Variants in UTRN observed in about 807,000 individuals in gnomAD.
UTRN encodes the protein utrophin.
Under a neutral mutation model 463.9 loss-of-function variants are expected in UTRN, and 283 were observed. The ratio of observed to expected loss-of-function variants is 0.61; its 90% CI spans 0.55 to 0.67. The LOEUF (loss-of-function observed/expected upper bound fraction) is 0.67. UTRN is among the 30% of genes least tolerant of loss of function. The pLI is 0.00. For synonymous variants in UTRN, 1,442 were observed against 1,431.5 expected (o/e 1.01, Z -0.17); for missense variants, 3,922 against 4,084.3 (o/e 0.96, Z 1.08).
At chr6:144,454,972 A>G (rs1788676163) in intron 19 of UTRN, among the ~76,000 whole-genome samples, 1 of 152,126 alleles carries the variant, frequency 6.6e-6, no homozygotes, top group Non-Finnish European at 1.5e-5. Flanking sequence ...CCAGAAAACA[A>G]CTGTTCATGT....
At chr6:144,766,359 A>T (rs1291072668) in intron 58 of UTRN, among the ~76,000 whole-genome samples, 1 of 152,006 alleles carries the variant, frequency 6.6e-6, no homozygotes, top group African/African-American at 2.4e-5. Context: ...TAGGCAGTTG[A>T]ATGCAAAATC....
chr6:144,433,319 A>C (rs6900943), intron 9 of UTRN, among the ~76,000 whole-genome samples: 131,927 of 144,072 alleles, frequency 0.92, 60,303 homozygotes, highest in Middle Eastern at 0.95. Flanking sequence ...GGGGGGCTGA[A>C]CCCCCCACCT....
intron 23 of UTRN, among the ~76,000 whole-genome samples, chr6:144,465,996 T>C (rs1387391772): frequency 6.6e-6 from 1 of 152,210 alleles, no homozygotes; most frequent in Non-Finnish European, 1.5e-5. Context: ...ACAGTGAACA[T>C]TTAGAGTTCC....
chr6:144,716,239 T>G (rs560565672), intron 53 of UTRN, among the ~76,000 whole-genome samples: 3 of 136,300 alleles, frequency 2.2e-5, no homozygotes, highest in African/African-American at 9.3e-5. Context: ...AAATATAGCT[T>G]TTTTTTTTTT....
intron 30 of UTRN, among the ~76,000 whole-genome samples, chr6:144,489,559 C>T (rs1023882052): frequency 2.0e-5 from 3 of 152,128 alleles, no homozygotes; most frequent in African/African-American, 7.2e-5. Flanking sequence ...AAGCCCTTAG[C>T]AGGTGCGTCA....
chr6:144,675,452 T>C (rs1781494165), intron 51 of UTRN, among the ~76,000 whole-genome samples: 1 of 152,200 alleles, frequency 6.6e-6, no homozygotes, highest in Non-Finnish European at 1.5e-5. Context: ...AGCAGTGAAG[T>C]TGTCATGTGA....
intron 72 of UTRN, among the ~76,000 whole-genome samples, chr6:144,839,590 T>C (rs185396107): frequency 1.3e-4 from 20 of 152,368 alleles, no homozygotes; most frequent in Non-Finnish European, 2.6e-4. Flanking sequence ...ATTTTTTTAG[T>C]ACACTTTCTG....
chr6:144,392,679 C>T (rs1782043875), intron 2 of UTRN, among the ~76,000 whole-genome samples: 2 of 152,240 alleles, frequency 1.3e-5, no homozygotes, highest in East Asian at 3.9e-4. Flanking sequence ...ACTGGCTTGG[C>T]ACAAATGTGA....
At chr6:144,635,514 C>CTTTTCTTTTTTT (rs1777035213) in intron 51 of UTRN, among the ~76,000 whole-genome samples, 11 of 80,026 alleles carry the variant, frequency 1.4e-4, no homozygotes, top group African/African-American at 3.4e-4. Context: ...CTTTTTTTTT[C>CTTTTCTTTTTTT]TTTTTTTTTT....
intron 53 of UTRN, chr6:144,708,322 G>T: frequency 4.5e-6 from 3 of 667,150 alleles, no homozygotes; most frequent in South Asian, 4.1e-5. Flanking sequence ...AAACCAAGAA[G>T]TCTTCTGTAT....
At chr6:144,844,828 T>A (rs574014490) in intron 73 of UTRN, among the ~76,000 whole-genome samples, 254 of 152,336 alleles carry the variant, frequency 1.7e-3, no homozygotes, top group African/African-American at 5.8e-3. Flanking sequence ...CTGTAACTAA[T>A]GAGAACTTTA....
chr6:144,793,112 A>G (rs1203219972), intron 62 of UTRN, among the ~76,000 whole-genome samples: 1 of 152,138 alleles, frequency 6.6e-6, no homozygotes, highest in African/African-American at 2.4e-5. Flanking sequence ...TGTACTTTTT[A>G]GTGTTTCTTA....
chr6:144,373,636 C>A (rs956697379), intron 2 of UTRN, among the ~76,000 whole-genome samples: 7 of 152,182 alleles, frequency 4.6e-5, no homozygotes, highest in Non-Finnish European at 1.0e-4. Flanking sequence ...ACCACAGAAT[C>A]GTACATCCGT....
At chr6:144,304,758 T>G (rs1025729391) in intron 2 of UTRN, among the ~76,000 whole-genome samples, 2 of 152,118 alleles carry the variant, frequency 1.3e-5, no homozygotes, top group African/African-American at 4.8e-5. Context: ...GAGTTTGAGT[T>G]GTATCCTAAG....
At chr6:144,558,565 G>A (rs1241836098) in intron 50 of UTRN, among the ~76,000 whole-genome samples, 2 of 152,066 alleles carry the variant, frequency 1.3e-5, no homozygotes, top group Non-Finnish European at 2.9e-5. Context: ...ACACCGACAT[G>A]GCACATGTAT....
At chr6:144,426,106 A>G (rs7356801) in intron 6 of UTRN, among the ~76,000 whole-genome samples, 181 bp from the exon 7 acceptor site, 25,856 of 152,174 alleles carry the variant, frequency 0.17, 2,315 homozygotes, top group African/African-American at 0.22. Flanking sequence ...CCCCCAAAAT[A>G]ATCACTGTTA....
chr6:144,397,569 A>G (rs868066501), intron 2 of UTRN, among the ~76,000 whole-genome samples: 4 of 152,144 alleles, frequency 2.6e-5, no homozygotes, highest in Admixed American at 6.6e-5. Context: ...TGACATCATT[A>G]GATGTTATAG....
At chr6:144,585,608 T>C (rs1304504819) in intron 51 of UTRN, among the ~76,000 whole-genome samples, 2 of 152,168 alleles carry the variant, frequency 1.3e-5, no homozygotes, top group Non-Finnish European at 2.9e-5. Flanking sequence ...AGTTGTAGAC[T>C]TAAATATTAA....
chr6:144,330,985 T>C (rs968204769), intron 2 of UTRN: 1 of 985,328 alleles, frequency 1.0e-6, no homozygotes. Flanking sequence ...GAGATCTGAA[T>C]CCACAAACGG....
Sources: allele counts gnomAD v4.1 joint callset (sites outside exome capture counted in the v4.1 genomes callset), GRCh38; gene constraint gnomAD v4.1.1; transcripts MANE v1.5; gene names NCBI Gene and HGNC (gene_info 2026-07-23, HGNC 2026-07-21).